Variants in ASIC2 observed in about 807,000 individuals in gnomAD.
ASIC2 encodes acid-sensing ion channel 2.
Under a neutral mutation model 57.3 loss-of-function variants are expected in ASIC2, and 25 were observed. That is an observed-to-expected ratio of 0.44 (90% CI 0.32 to 0.61). The LOEUF is 0.61. ASIC2 is among the 20% of genes least tolerant of loss of function. The pLI is 0.06. For missense variants in ASIC2, 641 were observed against 738.1 expected (o/e 0.87, Z 1.52); for synonymous variants, 319 against 307.5 (o/e 1.04, Z -0.39).
intron 1 of ASIC2, among the ~76,000 whole-genome samples, chr17:33,673,897 C>CTTTTTTTTTTT (rs574986885): frequency 1.2e-3 from 170 of 141,060 alleles, no homozygotes; most frequent in African/African-American, 2.7e-3. Context: ...GCATCCGTGT[C>CTTTTTTTTTTT]TTTTTTTTTT....
At chr17:33,884,630 A>C (rs1914783803) in intron 1 of ASIC2, among the ~76,000 whole-genome samples, 2 of 150,998 alleles carry the variant, frequency 1.3e-5, no homozygotes, top group African/African-American at 2.4e-5. Flanking sequence ...GCCTTACACT[A>C]CCCCCTTAGC....
At chr17:33,542,902 C>A (rs1390431589) in intron 1 of ASIC2, among the ~76,000 whole-genome samples, 1 of 151,616 alleles carries the variant, frequency 6.6e-6, no homozygotes, top group Non-Finnish European at 1.5e-5. Flanking sequence ...AATCTTTAAT[C>A]CATCTTGAAT....
At chr17:33,180,220 T>G (rs1905923589) in intron 1 of ASIC2, among the ~76,000 whole-genome samples, 1 of 152,226 alleles carries the variant, frequency 6.6e-6, no homozygotes, top group South Asian at 2.1e-4. Flanking sequence ...TTTAGAAATG[T>G]ACCTGTTCAA....
intron 4 of ASIC2, among the ~76,000 whole-genome samples, chr17:33,026,438 T>C (rs2091859592): frequency 6.6e-6 from 1 of 152,226 alleles, no homozygotes; most frequent in Non-Finnish European, 1.5e-5. Context: ...TTAAGCATCC[T>C]GCCTTCCCAG....
At chr17:33,293,820 G>A (rs548914365), upstream of ASIC2, among the ~76,000 whole-genome samples, 2 of 152,156 alleles carry the variant, frequency 1.3e-5, no homozygotes, top group African/African-American at 4.8e-5. Context: ...TTCCGTGTGT[G>A]TATGTGTGCA....
At chr17:33,177,109 G>A (rs1355157664) in intron 1 of ASIC2, among the ~76,000 whole-genome samples, 1 of 152,148 alleles carries the variant, frequency 6.6e-6, no homozygotes, top group African/African-American at 2.4e-5. Context: ...GAGTAATAAT[G>A]GGGCTAATTC....
intron 1 of ASIC2, among the ~76,000 whole-genome samples, chr17:33,975,537 G>A (rs1172851598): frequency 6.6e-6 from 1 of 152,148 alleles, no homozygotes; most frequent in Non-Finnish European, 1.5e-5. Context: ...GCCAGGACCT[G>A]AAAATCAATT....
chr17:33,771,469 C>G (rs764615475), intron 1 of ASIC2, among the ~76,000 whole-genome samples: 5 of 152,148 alleles, frequency 3.3e-5, no homozygotes, highest in Non-Finnish European at 7.3e-5. Context: ...CCTCCTCTTC[C>G]TTTGTATTGC....
chr17:33,917,890 G>GCACACACA (rs71364627), intron 1 of ASIC2, among the ~76,000 whole-genome samples: 1 of 132,508 alleles, frequency 7.5e-6, no homozygotes, highest in Non-Finnish European at 1.6e-5. Flanking sequence ...ACGTGCATGT[G>GCACACACA]CACACACACA....
At chr17:33,693,764 G>A (rs1202935860) in intron 1 of ASIC2, among the ~76,000 whole-genome samples, 1 of 152,214 alleles carries the variant, frequency 6.6e-6, no homozygotes, top group Non-Finnish European at 1.5e-5. Context: ...GGAAGACTTG[G>A]TATAGGTCAA....
chr17:33,706,271 G>A (rs1567694349), intron 1 of ASIC2, among the ~76,000 whole-genome samples: 1 of 151,150 alleles, frequency 6.6e-6, no homozygotes, highest in Non-Finnish European at 1.5e-5. Context: ...CGCTTAGGCT[G>A]GAGTACAGTG....
intron 1 of ASIC2, among the ~76,000 whole-genome samples, chr17:33,857,921 G>A (rs1914005729): frequency 6.6e-6 from 1 of 152,232 alleles, no homozygotes; most frequent in Non-Finnish European, 1.5e-5. Context: ...GACCTATAAT[G>A]AGCAGACGCC....
chr17:34,010,028 G>A (rs927440152), intron 1 of ASIC2, among the ~76,000 whole-genome samples: 2 of 152,142 alleles, frequency 1.3e-5, no homozygotes, highest in African/African-American at 4.8e-5. Flanking sequence ...CAGCAGCATC[G>A]ACCCACTCTG....
chr17:33,486,387 A>C (rs1913576322), intron 1 of ASIC2, among the ~76,000 whole-genome samples: 1 of 152,234 alleles, frequency 6.6e-6, no homozygotes, highest in African/African-American at 2.4e-5. Flanking sequence ...CTGGCTTCAG[A>C]GTCCATCAGC....
intron 1 of ASIC2, among the ~76,000 whole-genome samples, chr17:33,164,580 A>ACC (rs1465319046): frequency 2.2e-5 from 2 of 92,086 alleles, no homozygotes; most frequent in East Asian, 3.0e-4. Context: ...ATGCACGCAC[A>ACC]CACACACACA....
chr17:34,068,133 A>T (rs1909241130), intron 1 of ASIC2, among the ~76,000 whole-genome samples: 1 of 152,200 alleles, frequency 6.6e-6, no homozygotes, highest in Non-Finnish European at 1.5e-5. Context: ...CTCTAGCCCA[A>T]ATCGGGTAGG....
At chr17:34,154,056 G>A (rs1904624616) in intron 1 of ASIC2, among the ~76,000 whole-genome samples, 1 of 152,166 alleles carries the variant, frequency 6.6e-6, no homozygotes, top group Admixed American at 6.5e-5. Context: ...ATGCAGTCAG[G>A]AGGAAGCTAG....
intron 1 of ASIC2, among the ~76,000 whole-genome samples, chr17:33,811,449 T>G (rs1392837164): frequency 6.6e-6 from 1 of 152,216 alleles, no homozygotes; most frequent in African/African-American, 2.4e-5. Context: ...ATTTTGGGTT[T>G]TTTTGCAGGC....
In ASIC2 at chr17:33,307,105, C is replaced by T. The variant is rs371171433; in HGVS notation, c.556-195038G>A. Among the ~76,000 whole-genome samples, 156 of 152,306 alleles carry T rather than the reference C, an allele frequency of 1.0e-3. 1 individual carries two copies. Among genetic ancestry groups the T allele is most frequent in the African/African-American group, 3.7e-3 (154 of 41,550 alleles). On this transcript the variant is annotated intron_variant, in intron 1 of 9. Coordinates refer to the ASIC2 transcript ENST00000359872. ...CTCATGGGACTTCCTACCCTACAAA[C>T]GCTTTGCCTCAGCTAGTAAAGCCTC...
Sources: allele counts gnomAD v4.1 joint callset (sites outside exome capture counted in the v4.1 genomes callset), GRCh38; gene constraint gnomAD v4.1.1; transcripts MANE v1.5; gene names NCBI Gene and HGNC (gene_info 2026-07-23, HGNC 2026-07-21).